Variants in ZFR2 observed in about 807,000 individuals in gnomAD.
ZFR2 encodes the protein zinc finger RNA-binding protein 2.
A neutral mutation model predicts 105.7 loss-of-function variants in ZFR2; 104 were observed. The ratio of observed to expected loss-of-function variants is 0.98; its 90% CI spans 0.84 to 1.16. ZFR2 has a LOEUF of 1.16. ZFR2 is among the 50% of genes most tolerant of loss of function. ZFR2 has a pLI of 0.00. For synonymous variants in ZFR2, 634 were observed against 597.7 expected (o/e 1.06, Z -0.89); for missense variants, 1,425 against 1,355.5 (o/e 1.05, Z -0.80).
Position 3,842,096 on chromosome 19 carries a change from T to C in ZFR2, c.54-7113A>G, listed in dbSNP as rs1456637783. On this transcript the variant is annotated intron_variant, in intron 1 of 18. Coordinates refer to ENST00000262961, the MANE Select transcript of ZFR2 (RefSeq NM_015174.2). ...GGCATGATCATACCTCACTGCAGCC[T>C]CCAACTCCTGGGCTCAAGAGATCCT... Among the ~76,000 whole-genome samples, 9 of 151,826 alleles carry C rather than the reference T, an allele frequency of 5.9e-5. 1 individual carries two copies. Among genetic ancestry groups the C allele is most frequent in the African/African-American group, 1.9e-4 (8 of 41,436 alleles).
intron 16 of ZFR2, among the ~76,000 whole-genome samples, 163 bp downstream of exon 16, chr19:3,810,587 C>T (rs764622031): frequency 6.6e-6 from 1 of 152,248 alleles, no homozygotes; most frequent in Non-Finnish European, 1.5e-5. Context: ...AGGGCCGTCT[C>T]CCCCGCAAGG....
chr19:3,844,800 C>G (rs920101257), intron 1 of ZFR2, among the ~76,000 whole-genome samples: 1 of 152,206 alleles, frequency 6.6e-6, no homozygotes. Context: ...GCCTGGTACT[C>G]TGAGGCCTCC....
chr19:3,858,683 T>G lies in ZFR2; in HGVS notation c.53+10282A>C, dbSNP rs1443612835. Among the ~76,000 whole-genome samples the G allele has an allele frequency of 6.6e-6, 1 of 152,124 alleles. No individual in the cohort carries two copies. Among genetic ancestry groups the G allele is most frequent in the Non-Finnish European group, 1.5e-5 (1 of 68,016 alleles). ...AAATACAAAAATCAACCGGGCATGG[T>G]GGTGCATGCCTGAAATCCCAGCTAC... On this transcript the variant is annotated intron_variant, in intron 1 of 18. Transcript: ENST00000262961. The surrounding 1 kb of genome is among the most constrained non-coding windows in gnomAD (Gnocchi z 4.3).
intron 4 of ZFR2, 37 bp from the exon 5 acceptor site, chr19:3,831,593 G>T: frequency 6.5e-7 from 1 of 1,536,688 alleles, no homozygotes; most frequent in South Asian, 1.2e-5. Flanking sequence ...GGGGGGAGAT[G>T]CTGATTCCAC....
In ZFR2 at chr19:3,847,516, T is replaced by G. The variant is rs150194166; in HGVS notation, c.54-12533A>C. On this transcript the variant is annotated intron_variant, in intron 1 of 18. Transcript: ENST00000262961. ...TCCAGCCTGGGCAACAGAGCGAGAC[T>G]CCTTCTCAAAAGAAAAAAAAAAGTA... Among the ~76,000 whole-genome samples the G allele has an allele frequency of 5.9e-3, 892 of 151,916 alleles. 7 individuals carry two copies. Among genetic ancestry groups the G allele is most frequent in the African/African-American group, 0.02 (846 of 41,402 alleles).
At position 3,831,867 on chromosome 19, in the gene ZFR2, C is replaced by T. The variant is rs777936099; in HGVS notation, c.391G>A (p.Ala131Thr). The change falls in exon 4 of 19, where the codon GCC becomes ACC. Residue 131 changes from alanine (A) to threonine (T), a missense_variant. Coordinates refer to ENST00000262961, the MANE Select transcript of ZFR2 (RefSeq NM_015174.2). The stretch of plus-strand genomic sequence containing the variant: ...CCATGGGGGCTGGGCTGCCCGCAGG[C>T]TTCTTGGGTCCCTAGGGGACAGGGA... ...ADSGQPGTQE[A>T]CGQPSPHGSH... 1.9e-6 allele frequency: 3 copies of T among 1,579,168 alleles called. No homozygotes were observed. Among genetic ancestry groups the T allele is most frequent in the South Asian group, 1.1e-5 (1 of 87,326 alleles).
intron 1 of ZFR2, among the ~76,000 whole-genome samples, chr19:3,868,138 C>T (rs918272292): frequency 6.8e-6 from 1 of 147,152 alleles, no homozygotes; most frequent in African/African-American, 2.5e-5. Flanking sequence ...CAATCGGGGT[C>T]AGCTCCGCTC....
In ZFR2 at chr19:3,833,704, G is replaced by C; in HGVS notation, c.339C>G (p.Leu113=). The C allele has an allele frequency of 6.3e-7, 1 of 1,576,772 alleles. No individual in the cohort carries two copies. Among genetic ancestry groups the C allele is most frequent in the Non-Finnish European group, 8.6e-7 (1 of 1,161,144 alleles). Residue 113 remains leucine, a synonymous_variant, in exon 3 of 19, where the codon CTC becomes CTG. Transcript: ENST00000262961. ...CTGCGGCTGTCATGCGCCCAGACTG[G>C]AGGGCAGCAGACTGGAAGTACGGCC... ...EDRPYFQSAA[L]QSGRMTAADS... is the part of the protein sequence containing the mutation.
chr19:3,862,755 G>A (rs1356197463), intron 1 of ZFR2, among the ~76,000 whole-genome samples: 2 of 152,206 alleles, frequency 1.3e-5, no homozygotes, highest in African/African-American at 2.4e-5. Context: ...ACGTGCAGCC[G>A]GCAGCTGCCT....
chr19:3,820,364 G>A, intron 10 of ZFR2, 74 bp from the exon 11 acceptor site: 3 of 1,362,736 alleles, frequency 2.2e-6, no homozygotes, highest in Non-Finnish European at 3.0e-6. Flanking sequence ...CAGAAACACT[G>A]GGGCCTTATG....
intron 1 of ZFR2, among the ~76,000 whole-genome samples, chr19:3,845,756 C>T (rs182998018): frequency 6.6e-4 from 100 of 152,084 alleles, no homozygotes; most frequent in African/African-American, 2.3e-3. Flanking sequence ...GATCACACCA[C>T]TGCACTCCAG....
At chr19:3,860,659 T>A (rs2038362902) in intron 1 of ZFR2, among the ~76,000 whole-genome samples, 1 of 152,168 alleles carries the variant, frequency 6.6e-6, no homozygotes, top group East Asian at 1.9e-4. Context: ...GATACCATGC[T>A]GATCACGCTA....
At chr19:3,841,910 C>G (rs1157222677) in intron 1 of ZFR2, among the ~76,000 whole-genome samples, 1 of 152,062 alleles carries the variant, frequency 6.6e-6, no homozygotes, top group Non-Finnish European at 1.5e-5. Flanking sequence ...CCTCAGCCTC[C>G]CAAGTAGCTA....
At chr19:3,827,334 G>A in intron 6 of ZFR2, 137 bp downstream of exon 6, 1 of 1,034,288 alleles carries the variant, frequency 9.7e-7, no homozygotes, top group Non-Finnish European at 1.3e-6. Flanking sequence ...CTGGGCGGCT[G>A]GCCCTTGGGG....
At position 3,857,865 on chromosome 19, in the gene ZFR2, A is replaced by C. The variant is rs545013224; in HGVS notation, c.53+11100T>G. On this transcript the variant is annotated intron_variant, in intron 1 of 18. Transcript: ENST00000262961. ...AGCTGCCATCTCCATGACAACAAGC[A>C]CGCGCTGGTGCTGCCTGCCTGGGAG... 2.4e-4 allele frequency among the ~76,000 whole-genome samples: 37 copies of C among 152,258 alleles called. 1 individual carries two copies. The South Asian group carries it at 7.3e-3, about 30-fold the overall frequency.
chr19:3,814,352 A>G (rs2037803236), intron 13 of ZFR2, among the ~76,000 whole-genome samples: 2 of 152,218 alleles, frequency 1.3e-5, no homozygotes, highest in African/African-American at 2.4e-5. Context: ...GTCAGGGAGG[A>G]GTAAACTAAA....
Position 3,808,960 on chromosome 19 carries a change from C to T in ZFR2, c.2457G>A (p.Lys819=), listed in dbSNP as rs1166772388. ...PAWAMELLVE[K]AVSSAAGPLG... ...GGGGCCCAGCCGCACTGCTCACAGC[C>T]TTCTCCACCAGCAGCTCCATGGCCT... Residue 819 remains lysine (K), a synonymous_variant, in exon 17 of 19, where the codon AAG becomes AAA. Coordinates refer to ENST00000262961, the MANE Select transcript of ZFR2 (RefSeq NM_015174.2). The T allele has an allele frequency of 1.3e-6, 2 of 1,567,490 alleles. No individual in the cohort carries two copies. The highest frequency in any genetic ancestry group is 8.6e-7 in the Non-Finnish European group (1 of 1,158,770).
chr19:3,867,692 C>A (rs2038448567), intron 1 of ZFR2, among the ~76,000 whole-genome samples: 1 of 152,054 alleles, frequency 6.6e-6, no homozygotes, highest in Non-Finnish European at 1.5e-5. Context: ...CAGGTGCCCA[C>A]CCTCTTATTT....
chr19:3,806,259 G>GC, intron 18 of ZFR2, 134 bp from the exon 19 acceptor site: 3 of 985,986 alleles, frequency 3.0e-6, no homozygotes, highest in Non-Finnish European at 4.1e-6. Flanking sequence ...ATAGCCCCCG[G>GC]CCCCCCGCCG....
Sources: gnomAD v4.1 joint callset for allele counts (sites outside exome capture counted in the v4.1 genomes callset) on GRCh38, gnomAD v4.1.1 for gene constraint, Gnocchi (gnomAD v3.1) non-coding constraint, MANE v1.5 for transcripts, NCBI Gene and HGNC (gene_info 2026-07-23, HGNC 2026-07-21) for gene names.